Variants in ATP6V0E2 observed in about 807,000 individuals in gnomAD.
ATP6V0E2 encodes the protein ATPase H+ transporting V0 subunit e2.
Under a neutral mutation model 11.5 loss-of-function variants are expected in ATP6V0E2, and 4 were observed. That is an observed-to-expected ratio of 0.35 (90% CI 0.17 to 0.80). The LOEUF (loss-of-function observed/expected upper bound fraction) is 0.80. ATP6V0E2 is among the 30% of genes least tolerant of loss of function. ATP6V0E2 has a pLI of 0.53. For synonymous variants in ATP6V0E2, 52 were observed against 51.0 expected, an observed-to-expected ratio of 1.02 and a Z score of -0.09; for missense variants, 93 against 113.5, an observed-to-expected ratio of 0.82 and a Z score of 0.82.
At position 149,880,102 on chromosome 7, in the gene ATP6V0E2, C is replaced by A; in HGVS notation, c.*787C>A. 6.4e-6 allele frequency: 1 copy of A among 157,176 alleles called. No individual in the cohort carries two copies. 9.7% of individuals were successfully genotyped at this position (157,176 alleles called of 1,614,324 possible). ...GCTGCAGTGGGGGTGGATTTCAGAG[C>A]CTCTCATGGCAGCATCTAAGTGACC... is the stretch of plus-strand genomic sequence containing the variant. On this transcript the variant is annotated 3_prime_UTR_variant, in exon 4 of 4. Transcript: ENST00000425642.
At chr7:149,874,196 A>G in intron 1 of ATP6V0E2, 27 bp downstream of exon 1, 2 of 1,535,156 alleles carry the variant, frequency 1.3e-6, no homozygotes, top group Admixed American at 2.0e-5. Context: ...GGCCCTGCAG[A>G]CCTCTCCACC....
intron 2 of ATP6V0E2, among the ~76,000 whole-genome samples, chr7:149,876,624 G>GT (rs1803159412): frequency 6.6e-6 from 1 of 152,208 alleles, no homozygotes; most frequent in Non-Finnish European, 1.5e-5. Context: ...CAAACCTGCG[G>GT]TTACATTGCT....
intron 1 of ATP6V0E2, among the ~76,000 whole-genome samples, chr7:149,875,259 T>C (rs1803065075): frequency 6.6e-6 from 1 of 152,156 alleles, no homozygotes; most frequent in African/African-American, 2.4e-5. Flanking sequence ...CCACTCCCTG[T>C]TGGGTTGCCA....
chr7:149,873,045 A>AG (rs1440986490), upstream of ATP6V0E2: 1 of 152,234 alleles, frequency 6.6e-6, no homozygotes, highest in Non-Finnish European at 1.5e-5. Context: ...TGATCGCCAG[A>AG]GAAGAAGGGA....
intron 2 of ATP6V0E2, 128 bp downstream of exon 2, chr7:149,875,773 C>A: frequency 2.2e-6 from 2 of 906,650 alleles, no homozygotes; most frequent in Non-Finnish European, 3.5e-6. Context: ...ACCTATAAAA[C>A]AACAGGAGTG....
chr7:149,878,711 C>T lies in ATP6V0E2; in HGVS notation c.186C>T (p.Pro62=), dbSNP rs2128949411. 1 of 1,612,918 alleles carries T rather than the reference C, an allele frequency of 6.2e-7. No homozygotes were observed. The highest frequency in any genetic ancestry group is 1.1e-5 in the South Asian group (1 of 91,088). Residue 62 remains proline (P), a synonymous_variant, in exon 3 of 4, where the codon CCC becomes CCT. Coordinates refer to ENST00000425642, the MANE Select transcript of ATP6V0E2 (RefSeq NM_145230.4). ...WLIAILAQLN[P]LFGPQLKNET... ...TCGCCATCCTGGCGCAGCTGAACCC[C>T]CTGTTCGGGCCCCAGCTGAAGAATG...
At chr7:149,879,209 A>G in intron 3 of ATP6V0E2, 126 bp from the exon 4 acceptor site, 1 of 1,398,846 alleles carries the variant, frequency 7.1e-7, no homozygotes, top group Non-Finnish European at 9.2e-7. Context: ...CCTAACCTGG[A>G]CGGAGGGAGG....
At chr7:149,877,433 C>T (rs1326517192) in intron 2 of ATP6V0E2, among the ~76,000 whole-genome samples, 1 of 152,186 alleles carries the variant, frequency 6.6e-6, no homozygotes, top group Non-Finnish European at 1.5e-5. Flanking sequence ...CCTTCCACCT[C>T]AGCCTCCTGA....
At position 149,879,974 on chromosome 7, in the gene ATP6V0E2, C is replaced by T. The variant is rs576844840; in HGVS notation, c.*659C>T. On this transcript the variant is annotated 3_prime_UTR_variant, in exon 4 of 4. Transcript: ENST00000425642. ...TGTGTCTCCTCAGAGTATCCTGTTC[C>T]GCCTCCTGCCACCTGGACCTCCCTC... The T allele has an allele frequency of 1.3e-3, 329 of 260,812 alleles. 1 individual carries two copies. Among genetic ancestry groups the T allele is most frequent in the Middle Eastern group, 3.0e-3 (3 of 1,004 alleles). The allele number at this position is 260,812 out of a possible 1,614,324, so 16.2% of individuals were successfully genotyped here.
intron 2 of ATP6V0E2, chr7:149,876,128 A>C (rs1803119195): frequency 2.2e-6 from 1 of 455,830 alleles, no homozygotes; most frequent in Admixed American, 2.3e-5. Flanking sequence ...CTGTAATCCC[A>C]GCACTTTGGG....
Position 149,874,028 on chromosome 7 carries a change from T to C in ATP6V0E2, c.-38T>C. The stretch of plus-strand genomic sequence containing the variant: ...CCCGCGCACCTGCAGCGCCCGCTGC[T>C]CGGCCCTGCATCCTGCCTGGGCATC... On this transcript the variant is annotated 5_prime_UTR_variant, in exon 1 of 4. Coordinates refer to ENST00000425642, the MANE Select transcript of ATP6V0E2 (RefSeq NM_145230.4). 1 of 1,548,702 alleles carries C rather than the reference T, an allele frequency of 6.5e-7. No homozygotes were observed. The highest frequency in any genetic ancestry group is 8.7e-7 in the Non-Finnish European group (1 of 1,146,280).
chr7:149,874,236 C>T (rs1739781239), intron 1 of ATP6V0E2, 67 bp downstream of exon 1: 2 of 1,477,336 alleles, frequency 1.4e-6, no homozygotes, highest in Non-Finnish European at 1.8e-6. Context: ...CGCCCCTCCG[C>T]CCCGGGGCGG....
rs530810737 is a variant in ATP6V0E2, at chr7:149,878,717, C to T, written c.192C>T (p.Phe64=). The change falls in exon 3 of 4, where the codon TTC becomes TTT. Residue 64 remains phenylalanine (F), a synonymous_variant. Transcript: ENST00000425642. ...TCCTGGCGCAGCTGAACCCCCTGTT[C>T]GGGCCCCAGCTGAAGAATGAGACCA... is the stretch of plus-strand genomic sequence containing the variant. ...IAILAQLNPL[F]GPQLKNETIW... is the part of the protein sequence containing the mutation. The T allele has an allele frequency of 2.9e-5, 46 of 1,612,960 alleles. 1 individual carries two copies. In the East Asian group the frequency reaches 3.8e-4, roughly 13 times the overall value.
Position 149,879,733 on chromosome 7 carries a change from C to T in ATP6V0E2, c.*418C>T. On this transcript the variant is annotated 3_prime_UTR_variant, in exon 4 of 4. Transcript: ENST00000425642. ...TCCGGCCCAGGCGGGGGAGTCAGTGCCCAGTCAGCAGCTCTGCCACCATCC... is the reference window on the plus strand; with the variant it reads ...TCCGGCCCAGGCGGGGGAGTCAGTGTCCAGTCAGCAGCTCTGCCACCATCC... The T allele has an allele frequency of 8.0e-7, 1 of 1,251,954 alleles. No individual in the cohort carries two copies. Among genetic ancestry groups the T allele is most frequent in the Non-Finnish European group, 1.0e-6 (1 of 967,800 alleles). 77.6% of individuals were successfully genotyped at this position (1,251,954 alleles called of 1,614,324 possible).
Position 149,879,689 on chromosome 7 carries a change from G to A in ATP6V0E2, c.*374G>A. 7.1e-7 allele frequency: 1 copy of A among 1,408,076 alleles called. No individual in the cohort carries two copies. Among genetic ancestry groups the A allele is most frequent in the Non-Finnish European group, 9.3e-7 (1 of 1,074,962 alleles). 87.2% of individuals were successfully genotyped at this position (1,408,076 alleles called of 1,614,324 possible). ...TCAGCCCATCCTGAGGAGGACACGTGTCCTCATGGAGAGGGTGCTCCGGCC... is the reference window on the plus strand; with the variant it reads ...TCAGCCCATCCTGAGGAGGACACGTATCCTCATGGAGAGGGTGCTCCGGCC... On this transcript the variant is annotated 3_prime_UTR_variant, in exon 4 of 4. Transcript: ENST00000425642.
intron 1 of ATP6V0E2, chr7:149,874,493 G>A: frequency 3.4e-6 from 1 of 294,818 alleles, no homozygotes; most frequent in Admixed American, 4.9e-5. Flanking sequence ...GTGACCTAGA[G>A]CCAATATCAA....
Position 149,879,735 on chromosome 7 carries a change from C to T in ATP6V0E2, c.*420C>T, listed in dbSNP as rs928844960. ...CGGCCCAGGCGGGGGAGTCAGTGCC[C>T]AGTCAGCAGCTCTGCCACCATCCTG... On this transcript the variant is annotated 3_prime_UTR_variant, in exon 4 of 4. Coordinates refer to ENST00000425642, the MANE Select transcript of ATP6V0E2 (RefSeq NM_145230.4). 3 of 1,240,190 alleles carry T rather than the reference C, an allele frequency of 2.4e-6. No individual in the cohort carries two copies. The highest frequency in any genetic ancestry group is 2.5e-5 in the South Asian group (1 of 39,888). 76.8% of individuals were successfully genotyped at this position (1,240,190 alleles called of 1,614,324 possible).
chr7:149,880,386 TG>T lies in ATP6V0E2; in HGVS notation c.*1075del, dbSNP rs1427010144. On this transcript the variant is annotated 3_prime_UTR_variant, in exon 4 of 4. Transcript: ENST00000425642. ...TCACCCACCTTGCCTGGCTCCCAGCTGGGGCCTGTCCTCACTGGTGCTCCAG... is the reference window on the plus strand; with the variant it reads ...TCACCCACCTTGCCTGGCTCCCAGCTGGGCCTGTCCTCACTGGTGCTCCAG... 1 of 152,652 alleles carries T rather than the reference TG, an allele frequency of 6.6e-6. No individual in the cohort carries two copies. Among genetic ancestry groups the T allele is most frequent in the Non-Finnish European group, 1.5e-5 (1 of 68,382 alleles). The allele number at this position is 152,652 out of a possible 1,614,324, so 9.5% of individuals were successfully genotyped here.
At chr7:149,878,835 A>C (rs760642732) in intron 3 of ATP6V0E2, 45 bp downstream of exon 3, 2 of 980,982 alleles carry the variant, frequency 2.0e-6, no homozygotes, top group Non-Finnish European at 2.9e-6. Flanking sequence ...GGGGAAAGAC[A>C]AGGCTTTCCC....
Sources: allele counts gnomAD v4.1 joint callset (sites outside exome capture counted in the v4.1 genomes callset), GRCh38; gene constraint gnomAD v4.1.1; transcripts MANE v1.5; gene names NCBI Gene and HGNC (gene_info 2026-07-23, HGNC 2026-07-21).